ZNF704: variants seen among roughly 807,000 people sequenced by gnomAD.
The protein encoded by ZNF704 is zinc finger protein 704.
Under a neutral mutation model 44.7 loss-of-function variants are expected in ZNF704, and 10 were observed. The ratio of observed to expected loss-of-function variants is 0.22; its 90% CI spans 0.14 to 0.38. ZNF704 has a LOEUF of 0.38. ZNF704 is among the 10% of genes least tolerant of loss of function. The probability of loss-of-function intolerance (pLI) is 1.00; values close to 1 mark genes in which losing one functional copy is unlikely to be tolerated. For missense variants in ZNF704, 390 were observed against 545.5 expected, an observed-to-expected ratio of 0.71 and a Z score of 2.84; for synonymous variants, 211 against 207.6, an observed-to-expected ratio of 1.02 and a Z score of -0.14.
intron 2 of ZNF704, among the ~76,000 whole-genome samples, chr8:80,818,394 G>A (rs1808211811): frequency 6.6e-6 from 1 of 152,014 alleles, no homozygotes; most frequent in African/African-American, 2.4e-5. Flanking sequence ...CAGTACCCAT[G>A]GGGGTTGGTT....
chr8:80,782,755 CT>C (rs1807551014), intron 2 of ZNF704, among the ~76,000 whole-genome samples: 1 of 152,224 alleles, frequency 6.6e-6, no homozygotes, highest in Non-Finnish European at 1.5e-5. Context: ...AGTACAGTCG[CT>C]GCTTGGTATT....
chr8:80,688,374 T>A (rs145005574), intron 3 of ZNF704, among the ~76,000 whole-genome samples: 2 of 152,334 alleles, frequency 1.3e-5, no homozygotes, highest in African/African-American at 4.8e-5. Context: ...GCCTTACATT[T>A]TGTGAGTGTT....
intron 1 of ZNF704, among the ~76,000 whole-genome samples, chr8:80,853,155 C>T (rs1808899067): frequency 6.6e-6 from 1 of 152,134 alleles, no homozygotes; most frequent in Admixed American, 6.5e-5. Context: ...CACTTGAGCC[C>T]AGGAGTTCGA....
At chr8:80,752,086 T>C (rs1806953775) in intron 2 of ZNF704, among the ~76,000 whole-genome samples, 1 of 152,168 alleles carries the variant, frequency 6.6e-6, no homozygotes, top group African/African-American at 2.4e-5. Flanking sequence ...TGCTTGTTAT[T>C]GAGTTAATGG....
At chr8:80,747,655 G>A (rs539340291) in intron 2 of ZNF704, among the ~76,000 whole-genome samples, 1 of 152,292 alleles carries the variant, frequency 6.6e-6, no homozygotes, top group Non-Finnish European at 1.5e-5. Flanking sequence ...CAATTATGAT[G>A]AAAGCCACTC....
intron 2 of ZNF704, among the ~76,000 whole-genome samples, chr8:80,741,944 G>A (rs1386079442): frequency 2.0e-5 from 3 of 152,066 alleles, no homozygotes; most frequent in Non-Finnish European, 4.4e-5. Context: ...ATCAGAATTA[G>A]GAAAAGGAAA....
At chr8:80,717,876 T>A (rs763391396) in intron 2 of ZNF704, among the ~76,000 whole-genome samples, 3 of 152,338 alleles carry the variant, frequency 2.0e-5, no homozygotes, top group Non-Finnish European at 2.9e-5. Flanking sequence ...TTCGAGGCCA[T>A]TCATCAGCTA....
chr8:80,883,741 C>A, the ZNF704 span, among the ~76,000 whole-genome samples: 2,069 of 152,250 alleles, frequency 0.014, 23 homozygotes, highest in Non-Finnish European at 0.023. Context: ...CATCTATCTA[C>A]CTAATTTTAA....
chr8:80,877,440 C>A (rs190258139), upstream of ZNF704, among the ~76,000 whole-genome samples: 3 of 152,276 alleles, frequency 2.0e-5, no homozygotes, highest in Admixed American at 1.3e-4. Flanking sequence ...ATGATGTGGG[C>A]ACATGACACA....
chr8:80,783,356 T>C (rs930026540), intron 2 of ZNF704, among the ~76,000 whole-genome samples: 17 of 152,190 alleles, frequency 1.1e-4, no homozygotes, highest in Non-Finnish European at 2.2e-4. Flanking sequence ...CAGCGGTACC[T>C]GTGCATGATG....
At chr8:80,652,544 A>G (rs1817941062) in intron 7 of ZNF704, among the ~76,000 whole-genome samples, 1 of 152,192 alleles carries the variant, frequency 6.6e-6, no homozygotes, top group African/African-American at 2.4e-5. Flanking sequence ...AAACACCTCT[A>G]TGCAAATAAA....
chr8:80,742,539 C>T (rs1806778265), intron 2 of ZNF704, among the ~76,000 whole-genome samples: 1 of 152,140 alleles, frequency 6.6e-6, no homozygotes, highest in Admixed American at 6.5e-5. Context: ...AAGAAATAAT[C>T]CCCTGCACTG....
chr8:80,692,936 C>T (rs1021294373), intron 3 of ZNF704, 68 bp downstream of exon 3: 1 of 1,363,162 alleles, frequency 7.3e-7, no homozygotes, highest in Non-Finnish European at 1.0e-6. Context: ...AGGAATGAGA[C>T]ATCTCAAAGA....
At chr8:80,667,774 T>C (rs1185608660) in intron 5 of ZNF704, among the ~76,000 whole-genome samples, 2 of 152,170 alleles carry the variant, frequency 1.3e-5, no homozygotes, top group Admixed American at 6.5e-5. Context: ...ACTTCCTAGG[T>C]TCAAACCCTG....
intron 4 of ZNF704, among the ~76,000 whole-genome samples, chr8:80,685,006 G>A (rs914598018): frequency 6.6e-6 from 1 of 151,828 alleles, no homozygotes. Context: ...GTCTCGGCTT[G>A]GGGACATCTA....
intron 2 of ZNF704, among the ~76,000 whole-genome samples, chr8:80,772,297 T>C (rs765308175): frequency 3.3e-5 from 5 of 152,198 alleles, no homozygotes; most frequent in Non-Finnish European, 7.3e-5. Context: ...GTTGATTTAT[T>C]AATCTTTTCA....
At chr8:80,734,362 C>T (rs1405877148) in intron 2 of ZNF704, among the ~76,000 whole-genome samples, 1 of 152,156 alleles carries the variant, frequency 6.6e-6, no homozygotes, top group African/African-American at 2.4e-5. Context: ...TATCAGGATG[C>T]CTACCTAATG....
At position 80,636,563 on chromosome 8, in the gene ZNF704, A is replaced by G. The variant is rs1330611190; in HGVS notation, c.*4803T>C. On this transcript the variant is annotated 3_prime_UTR_variant, in exon 9 of 9. Coordinates refer to ENST00000327835, the MANE Select transcript of ZNF704 (RefSeq NM_001033723.3). Reference sequence around the variant, plus strand: ...GCTAGTTACAATGCAAAAAAGATACATGAAACAGTTCCAATATGGAGGAAT... The same window carrying G: ...GCTAGTTACAATGCAAAAAAGATACGTGAAACAGTTCCAATATGGAGGAAT... 3 of 152,248 alleles carry G rather than the reference A, an allele frequency of 2.0e-5. No individual in the cohort carries two copies. Among genetic ancestry groups the G allele is most frequent in the Non-Finnish European group, 4.4e-5 (3 of 68,048 alleles). The allele number at this position is 152,248 out of a possible 1,614,324, so 9.4% of individuals were successfully genotyped here.
intron 1 of ZNF704, among the ~76,000 whole-genome samples, chr8:80,844,996 T>A (rs1329160072): frequency 6.6e-6 from 1 of 152,066 alleles, no homozygotes; most frequent in Non-Finnish European, 1.5e-5. Context: ...ATTTCCTGAT[T>A]TTGATTTCAA....
Sources: gnomAD v4.1 joint callset for allele counts (sites outside exome capture counted in the v4.1 genomes callset) on GRCh38, gnomAD v4.1.1 for gene constraint, MANE v1.5 for transcripts, NCBI Gene and HGNC (gene_info 2026-07-23, HGNC 2026-07-21) for gene names.